Variants in KCNN3 observed in about 807,000 individuals in gnomAD.
KCNN3 encodes potassium calcium-activated channel subfamily N member 3.
Under a neutral mutation model 62.9 loss-of-function variants are expected in KCNN3, and 16 were observed. That is an observed-to-expected ratio of 0.25 (90% CI 0.17 to 0.39). The LOEUF (loss-of-function observed/expected upper bound fraction) is 0.39, where lower values mean the gene tolerates loss of function less well. Among genes scored for constraint, KCNN3 ranks in the 10% least tolerant of loss-of-function variants. The pLI, the probability that KCNN3 is intolerant of heterozygous loss-of-function variation, is 1.00. For synonymous variants in KCNN3, 370 were observed against 389.2 expected (o/e 0.95, Z 0.58); for missense variants, 599 against 949.4 (o/e 0.63, Z 4.85).
At chr1:154,727,324 C>A (rs747610471) in intron 4 of KCNN3, among the ~76,000 whole-genome samples, 1 of 152,222 alleles carries the variant, frequency 6.6e-6, no homozygotes, top group African/African-American at 2.4e-5. Context: ...ACATTTTTGG[C>A]TCATCAGGTC....
At chr1:154,713,158 TC>T (rs1252898641) in intron 7 of KCNN3, among the ~76,000 whole-genome samples, 3 of 151,564 alleles carry the variant, frequency 2.0e-5, no homozygotes, top group African/African-American at 7.3e-5. Flanking sequence ...ACCTCAGGAG[TC>T]CCTCAATGTG....
At chr1:154,710,761 A>G (rs1003534447) in intron 7 of KCNN3, among the ~76,000 whole-genome samples, 3 of 152,268 alleles carry the variant, frequency 2.0e-5, no homozygotes, top group Non-Finnish European at 4.4e-5. Context: ...ATCACTGGCC[A>G]TCAGAGAAAT....
Position 154,708,159 on chromosome 1 carries a change from G to A in KCNN3, c.2013C>T (p.Asn671=). The change falls in exon 8 of 8, where the codon AAC becomes AAT. Residue 671 remains asparagine, a synonymous_variant. Coordinates refer to ENST00000271915, the MANE Select transcript of KCNN3 (RefSeq NM_002249.6). The part of the protein sequence containing the change: ...SKLEHLTASF[N]SLPLLIADTL... ...TGTCGGCGATGAGCAGCGGCAGGGA[G>A]TTGAAGCTGGCGGTGAGATGCTCCA... The A allele has an allele frequency of 1.2e-6, 2 of 1,613,764 alleles. No homozygotes were observed. Among genetic ancestry groups the A allele is most frequent in the Non-Finnish European group, 1.7e-6 (2 of 1,179,988 alleles).
At chr1:154,778,816 G>T (rs1481309162) in intron 2 of KCNN3, among the ~76,000 whole-genome samples, 1 of 151,790 alleles carries the variant, frequency 6.6e-6, no homozygotes, top group Non-Finnish European at 1.5e-5. Context: ...TGGCCAGGCT[G>T]GTCTCGAACT....
intron 1 of KCNN3, among the ~76,000 whole-genome samples, chr1:154,832,656 CTTGCTTTGAAGTAGTT>C (rs1651421477): frequency 6.6e-6 from 1 of 152,202 alleles, no homozygotes; most frequent in Non-Finnish European, 1.5e-5. Flanking sequence ...TTCTGGATGG[CTTGCTTTGAAGTAGTT>C]TTGCTTTCTC....
chr1:154,759,517 G>A (rs946457816), intron 3 of KCNN3, among the ~76,000 whole-genome samples: 1 of 152,194 alleles, frequency 6.6e-6, no homozygotes, highest in African/African-American at 2.4e-5. Flanking sequence ...AAGGAGGTGG[G>A]TGGGGGAGCG....
intron 1 of KCNN3, among the ~76,000 whole-genome samples, chr1:154,865,531 A>G (rs1317640125): frequency 2.0e-5 from 3 of 152,158 alleles, no homozygotes; most frequent in Non-Finnish European, 4.4e-5. Context: ...CTCCAGGCTG[A>G]TGCCTCCTAG....
intron 7 of KCNN3, among the ~76,000 whole-genome samples, chr1:154,710,589 G>A (rs573753133): frequency 3.3e-5 from 5 of 152,296 alleles, no homozygotes; most frequent in South Asian, 2.1e-4. Flanking sequence ...CGCTTCACCC[G>A]GTCTGCTCCG....
Position 154,700,496 on chromosome 1 carries a change from G to A in KCNN3, c.*7480C>T, listed in dbSNP as rs1483688405. ...TTTATAAATGTAAGTCTTGGTCTGA[G>A]CAGTGTTAGAAGGAAAAACCAAAAG... On this transcript the variant is annotated 3_prime_UTR_variant, in exon 8 of 8. Coordinates refer to ENST00000271915, the MANE Select transcript of KCNN3 (RefSeq NM_002249.6). The A allele has an allele frequency of 6.6e-6, 1 of 152,218 alleles. No homozygotes were observed. The highest frequency in any genetic ancestry group is 1.5e-5 in the Non-Finnish European group (1 of 68,044). The allele number at this position is 152,218 out of a possible 1,614,324, so 9.4% of individuals were successfully genotyped here. A position where few individuals can be genotyped will look rare whatever the true frequency, so the allele number is the denominator to read the frequency against.
rs556168100 is a variant in KCNN3, at chr1:154,781,300, A to G, written c.1030-8907T>C. On this transcript the variant is annotated intron_variant, in intron 2 of 7. Coordinates refer to ENST00000271915, the MANE Select transcript of KCNN3 (RefSeq NM_002249.6). Reference sequence around the variant, plus strand: ...TTTCTTGATCCCTGAGCACGTCACCACTAGGGATAGAGCATCCCACCTCTG... The same window carrying G: ...TTTCTTGATCCCTGAGCACGTCACCGCTAGGGATAGAGCATCCCACCTCTG... Among the ~76,000 whole-genome samples, 4 of 152,276 alleles carry G rather than the reference A, an allele frequency of 2.6e-5. No homozygotes were observed. The South Asian group carries it at 8.3e-4, about 32-fold the overall frequency.
At chr1:154,762,760 G>A (rs1480761727) in intron 3 of KCNN3, among the ~76,000 whole-genome samples, 2 of 152,044 alleles carry the variant, frequency 1.3e-5, no homozygotes, top group South Asian at 2.1e-4. Flanking sequence ...TATTCACTTT[G>A]TTTTCTGGAG....
intron 1 of KCNN3, among the ~76,000 whole-genome samples, chr1:154,831,296 C>A (rs1240454601): frequency 6.6e-6 from 1 of 152,140 alleles, no homozygotes; most frequent in Non-Finnish European, 1.5e-5. Context: ...CATACAAAGG[C>A]AGAATGGGAG....
intron 2 of KCNN3, among the ~76,000 whole-genome samples, chr1:154,794,711 G>T (rs1649655211): frequency 6.6e-6 from 1 of 152,190 alleles, no homozygotes; most frequent in African/African-American, 2.4e-5. Flanking sequence ...CATTCACAGA[G>T]GTGCAGGAGC....
At position 154,870,149 on chromosome 1, in the gene KCNN3, G is replaced by A. The variant is rs745319913; in HGVS notation, c.-185C>T. ...AGTCCAGACGCTGCCACTCAAGAAT[G>A]CATTGTATTGGGCAGGGAGGGAGAG... On this transcript the variant is annotated 5_prime_UTR_variant, in exon 1 of 8. Coordinates refer to ENST00000271915, the MANE Select transcript of KCNN3 (RefSeq NM_002249.6). 5 of 742,750 alleles carry A rather than the reference G, an allele frequency of 6.7e-6. No homozygotes were observed. The highest frequency in any genetic ancestry group is 1.2e-5 in the Non-Finnish European group (5 of 411,566). The allele number at this position is 742,750 out of a possible 1,614,324, so 46.0% of individuals were successfully genotyped here.
chr1:154,782,978 C>T (rs956692343), intron 2 of KCNN3, among the ~76,000 whole-genome samples: 8 of 152,112 alleles, frequency 5.3e-5, no homozygotes, highest in Non-Finnish European at 1.0e-4. Flanking sequence ...TTTGGCAGGC[C>T]GAGGCGGGCG....
At position 154,704,061 on chromosome 1, in the gene KCNN3, G is replaced by T. The variant is rs1246225546; in HGVS notation, c.*3915C>A. ...TCACAAGGAAATTATAAAAATTTAA[G>T]GGGGAAATCCCCCACTATATTAAAA... On this transcript the variant is annotated 3_prime_UTR_variant, in exon 8 of 8. Transcript: ENST00000271915. 1.3e-5 allele frequency: 2 copies of T among 152,148 alleles called. No individual in the cohort carries two copies. The highest frequency in any genetic ancestry group is 2.9e-5 in the Non-Finnish European group (2 of 68,034). 9.4% of individuals were successfully genotyped at this position (152,148 alleles called of 1,614,324 possible). A position where few individuals can be genotyped will look rare whatever the true frequency, so the allele number is the denominator to read the frequency against.
Position 154,869,605 on chromosome 1 carries a change from G to C in KCNN3, c.360C>G (p.Leu120=). Residue 120 remains leucine (L), a synonymous_variant, in exon 1 of 8, where the codon CTC becomes CTG. Transcript: ENST00000271915. The surrounding 1 kb of genome is among the most constrained non-coding windows in gnomAD (Gnocchi z 6.1). ...GGCTGCCTTGCCTGGAGGAAGGGTG[G>C]AGGATGGCGGTGGAGTTGGACGAAG... ...APPSSNSTAI[L]HPSSRQGSQL... is the part of the protein sequence containing the mutation. 6.2e-7 allele frequency: 1 copy of C among 1,614,110 alleles called. No homozygotes were observed. Among genetic ancestry groups the C allele is most frequent in the South Asian group, 1.1e-5 (1 of 91,084 alleles).
chr1:154,795,464 A>G (rs35657705), intron 2 of KCNN3, among the ~76,000 whole-genome samples: 30,601 of 152,088 alleles, frequency 0.2, 3,279 homozygotes, highest in Middle Eastern at 0.26. Context: ...AGGACCATCA[A>G]TTCATGTCTG....
intron 3 of KCNN3, among the ~76,000 whole-genome samples, chr1:154,748,611 A>G (rs1700990313): frequency 6.6e-6 from 1 of 152,168 alleles, no homozygotes; most frequent in Non-Finnish European, 1.5e-5. Flanking sequence ...TATGCGCATT[A>G]CTGAATTTAA....
Sources: gnomAD v4.1 joint callset for allele counts (sites outside exome capture counted in the v4.1 genomes callset) on GRCh38, gnomAD v4.1.1 for gene constraint, Gnocchi (gnomAD v3.1) non-coding constraint, MANE v1.5 for transcripts, NCBI Gene and HGNC (gene_info 2026-07-23, HGNC 2026-07-21) for gene names.